The following SRPK2 variants were observed in gnomAD, a reference collection of about 807,000 sequenced individuals.
SRPK2 encodes SFRS protein kinase 2.
A neutral mutation model predicts 90.8 loss-of-function variants in SRPK2; 21 were observed. That is an observed-to-expected ratio of 0.23 (90% CI 0.16 to 0.33). The LOEUF is 0.33. Ranked by LOEUF, SRPK2 falls within the 10% of genes least tolerant of loss-of-function variation. The pLI, the probability that SRPK2 is intolerant of heterozygous loss-of-function variation, is 1.00. For synonymous variants in SRPK2, 288 were observed against 311.1 expected, an observed-to-expected ratio of 0.93 and a Z score of 0.78; for missense variants, 620 against 869.0, an observed-to-expected ratio of 0.71 and a Z score of 3.60.
chr7:105,215,348 G>GT (rs1797331388), intron 2 of SRPK2, among the ~76,000 whole-genome samples: 1 of 152,072 alleles, frequency 6.6e-6, no homozygotes, highest in Non-Finnish European at 1.5e-5. Flanking sequence ...CAGATAACGA[G>GT]ACGTCAGTGA....
upstream of SRPK2, chr7:105,389,285 T>C (rs1469455513): frequency 7.8e-7 from 1 of 1,277,806 alleles, no homozygotes; most frequent in Non-Finnish European, 1.0e-6. Context: ...CGCCCGTCCT[T>C]GGCCGGCGCC....
chr7:105,359,169 T>G (rs1440305112), intron 2 of SRPK2, among the ~76,000 whole-genome samples: 1 of 143,828 alleles, frequency 7.0e-6, no homozygotes, highest in Non-Finnish European at 1.5e-5. Flanking sequence ...TTTTTTTTTT[T>G]TTTTTTGGAG....
At chr7:105,314,157 C>T (rs899895274) in intron 2 of SRPK2, among the ~76,000 whole-genome samples, 10 of 151,870 alleles carry the variant, frequency 6.6e-5, no homozygotes, top group South Asian at 2.1e-4. Flanking sequence ...ATGGTGAAAC[C>T]CCGTCTCTAC....
At chr7:105,391,940 G>A (rs1822193085), upstream of SRPK2, among the ~76,000 whole-genome samples, 1 of 151,970 alleles carries the variant, frequency 6.6e-6, no homozygotes. Flanking sequence ...GCCAAAAGGT[G>A]GAAAAAACCT....
At chr7:105,296,633 A>G (rs1164807834) in intron 2 of SRPK2, among the ~76,000 whole-genome samples, 6 of 152,372 alleles carry the variant, frequency 3.9e-5, no homozygotes, top group South Asian at 4.1e-4. Context: ...AACTAAGGAA[A>G]TCTGATTTCA....
intron 6 of SRPK2, among the ~76,000 whole-genome samples, chr7:105,167,165 T>C (rs1790178402): frequency 6.6e-6 from 1 of 152,124 alleles, no homozygotes; most frequent in Non-Finnish European, 1.5e-5. Context: ...GTCAAGTTGT[T>C]GTGTTAAAAA....
upstream of SRPK2, among the ~76,000 whole-genome samples, chr7:105,392,658 C>T (rs151091373): frequency 2.0e-3 from 306 of 151,824 alleles, 1 homozygote; most frequent in African/African-American, 7.1e-3. Context: ...GGACTACAGA[C>T]GCACACCATT....
chr7:105,217,181 C>A (rs778721229), intron 2 of SRPK2, among the ~76,000 whole-genome samples: 1 of 152,220 alleles, frequency 6.6e-6, no homozygotes, highest in Non-Finnish European at 1.5e-5. Flanking sequence ...CACCACCTAA[C>A]AACCCTCTGC....
At chr7:105,376,157 G>A (rs946369292) in intron 2 of SRPK2, among the ~76,000 whole-genome samples, 1 of 151,490 alleles carries the variant, frequency 6.6e-6, no homozygotes, top group Non-Finnish European at 1.5e-5. Context: ...ACCACACCCA[G>A]CAAATTTTTT....
At chr7:105,178,439 C>T (rs908888340) in intron 3 of SRPK2, among the ~76,000 whole-genome samples, 1 of 152,146 alleles carries the variant, frequency 6.6e-6, no homozygotes, top group Non-Finnish European at 1.5e-5. Flanking sequence ...TTTCCTATAA[C>T]AGTAATGAAT....
intron 2 of SRPK2, among the ~76,000 whole-genome samples, chr7:105,333,759 T>G (rs66482905): frequency 0.44 from 67,587 of 152,014 alleles, 16,356 homozygotes; most frequent in Non-Finnish European, 0.54. Context: ...AACAGTATCA[T>G]GCTTTATGTA....
In SRPK2 at chr7:105,203,692, C is replaced by G; in HGVS notation, c.165G>C (p.Glu55Asp). ...PPPLPDPTPP[E>D]PEEEILGSDD... The stretch of plus-strand genomic sequence containing the variant: ...CTGATCCCAGGATCTCCTCCTCTGG[C>G]TCCGGGGGTGTGGGGTCTGGCAAAG... The change falls in exon 3 of 16, where the codon GAG becomes GAC. Residue 55 changes from glutamate to aspartate, a missense_variant. Physicochemically the swap from Glu to Asp is conservative, Grantham distance 45 (BLOSUM62 2). Transcript: ENST00000393651. 6.3e-7 allele frequency: 1 copy of G among 1,586,872 alleles called. No homozygotes were observed. The highest frequency in any genetic ancestry group is 8.6e-7 in the Non-Finnish European group (1 of 1,168,414).
intron 2 of SRPK2, among the ~76,000 whole-genome samples, chr7:105,211,572 G>A (rs71562647): frequency 6.6e-6 from 1 of 152,000 alleles, no homozygotes; most frequent in South Asian, 2.1e-4. Context: ...AGTGAGGGGG[G>A]AGGTGCTACA....
At chr7:105,283,764 G>C (rs1334521158) in intron 2 of SRPK2, among the ~76,000 whole-genome samples, 1 of 152,058 alleles carries the variant, frequency 6.6e-6, no homozygotes, top group African/African-American at 2.4e-5. Context: ...ACCGAGGCAG[G>C]CAAGTCGTTT....
chr7:105,255,529 C>A (rs899817329), intron 2 of SRPK2, among the ~76,000 whole-genome samples: 1 of 152,132 alleles, frequency 6.6e-6, no homozygotes, highest in Non-Finnish European at 1.5e-5. Context: ...GTTTTGAAAA[C>A]AGAACATTTT....
chr7:105,353,200 G>A (rs906071111), intron 2 of SRPK2, among the ~76,000 whole-genome samples: 2 of 152,158 alleles, frequency 1.3e-5, no homozygotes, highest in Non-Finnish European at 2.9e-5. Flanking sequence ...TGTAAGCTTC[G>A]ACTTGGTAGT....
intron 2 of SRPK2, among the ~76,000 whole-genome samples, chr7:105,262,670 G>T (rs1405260274): frequency 6.6e-6 from 1 of 152,086 alleles, no homozygotes; most frequent in Non-Finnish European, 1.5e-5. Flanking sequence ...AACACCCTAG[G>T]GTCACTTACT....
intron 10 of SRPK2, 141 bp downstream of exon 10, chr7:105,142,943 A>G (rs1804009155): frequency 8.0e-6 from 9 of 1,120,530 alleles, no homozygotes; most frequent in Admixed American, 7.6e-5. Context: ...GCTATTTCCC[A>G]TATTTCCCAA....
chr7:105,250,234 C>G (rs1011850323), intron 2 of SRPK2, among the ~76,000 whole-genome samples: 3 of 152,056 alleles, frequency 2.0e-5, no homozygotes, highest in African/African-American at 7.2e-5. Context: ...ACTCAGGAGG[C>G]TGAGGCAGGA....
Sources: gnomAD v4.1 joint callset for allele counts (sites outside exome capture counted in the v4.1 genomes callset) on GRCh38, gnomAD v4.1.1 for gene constraint, MANE v1.5 for transcripts, NCBI Gene and HGNC (gene_info 2026-07-23, HGNC 2026-07-21) for gene names.